QRICH2: variants seen among roughly 807,000 people sequenced by gnomAD.
The protein encoded by QRICH2 is glutamine-rich protein 2.
In QRICH2, 119 loss-of-function variants were observed where a neutral mutation model predicts 168.3. That is an observed-to-expected ratio of 0.71 (90% CI 0.61 to 0.82). The LOEUF is 0.82. QRICH2 is among the 40% of genes least tolerant of loss of function. The pLI is 0.00. For missense variants in QRICH2, 2,241 were observed against 2,491.6 expected (o/e 0.90, Z 2.14); for synonymous variants, 894 against 951.2 (o/e 0.94, Z 1.11).
Position 76,275,926 on chromosome 17 carries a change from T to A in QRICH2, c.5375A>T (p.Lys1792Met). Residue 1792 changes from lysine to methionine, a missense_variant, in exon 18 of 19, where the codon AAG becomes ATG. Around this residue, in one of 3 missense-constraint regions of QRICH2, gnomAD observed 189 missense variants for 169.3 expected, o/e 1.12. Coordinates refer to ENST00000680821, the MANE Select transcript of QRICH2 (RefSeq NM_001388453.1). Reference sequence around the variant, plus strand: ...CACGTGGGGCCTGGGCTGCTGGGACTTGCGCTTTGAGGTCCCTGAGCCTGA... The same window carrying A: ...CACGTGGGGCCTGGGCTGCTGGGACATGCGCTTTGAGGTCCCTGAGCCTGA... ...RKDSSGTSKR[K>M]SQQPRPHVHR... is the part of the protein sequence containing the mutation. 1 of 1,608,632 alleles carries A rather than the reference T, an allele frequency of 6.2e-7. No individual in the cohort carries two copies.
At position 76,307,003 on chromosome 17, in the gene QRICH2, C is replaced by T. The variant is rs2071000384; in HGVS notation, c.534+462G>A. Among the ~76,000 whole-genome samples the T allele has an allele frequency of 6.6e-6, 1 of 152,182 alleles. No individual in the cohort carries two copies. Among genetic ancestry groups the T allele is most frequent in the African/African-American group, 2.4e-5 (1 of 41,448 alleles). ...CTCCCCTTCTCTGGGAGCCTTTGTCCTCAACACGTATCTCTTCATGTCCTT... is the reference window on the plus strand; with the variant it reads ...CTCCCCTTCTCTGGGAGCCTTTGTCTTCAACACGTATCTCTTCATGTCCTT... On this transcript the variant is annotated intron_variant, in intron 1 of 18. Transcript: ENST00000680821. This position sits in a 1 kb window ranked among gnomAD's most constrained non-coding sequence, Gnocchi z 5.3.
In QRICH2 at chr17:76,307,791, T is replaced by C. The variant is rs1231387582; in HGVS notation, c.208A>G (p.Ile70Val). 1 of 1,370,256 alleles carries C rather than the reference T, an allele frequency of 7.3e-7. No individual in the cohort carries two copies. 84.9% of individuals were successfully genotyped at this position (1,370,256 alleles called of 1,614,324 possible). Residue 70 changes from isoleucine to valine, a missense_variant, in exon 1 of 19, where the codon ATC (isoleucine) becomes GTC (valine). Physicochemically the swap from Ile to Val is conservative, Grantham distance 29. Coordinates refer to ENST00000680821, the MANE Select transcript of QRICH2 (RefSeq NM_001388453.1). This position sits in a 1 kb window ranked among gnomAD's most constrained non-coding sequence, Gnocchi z 5.3. ...SLQSVRSSFS[I>V]PHLPAPKEVP... The stretch of plus-strand genomic sequence containing the variant: ...TCCTTGGGCGCGGGCAGGTGCGGGA[T>C]GCTGAACGAGCTCCGGACGGACTGC...
At position 76,291,723 on chromosome 17, in the gene QRICH2, T is replaced by C. The variant is rs780733323; in HGVS notation, c.3004A>G (p.Ile1002Val). The C allele has an allele frequency of 4.3e-6, 7 of 1,614,064 alleles. No individual in the cohort carries two copies. The highest frequency in any genetic ancestry group is 4.2e-6 in the Non-Finnish European group (5 of 1,180,046). Residue 1002 changes from isoleucine (I) to valine (V), a missense_variant, in exon 4 of 19, where the codon ATA becomes GTA. Physicochemically the swap from Ile to Val is conservative, Grantham distance 29. Coordinates refer to ENST00000680821, the MANE Select transcript of QRICH2 (RefSeq NM_001388453.1). ...STFQADSTGF[I>V]SVRPYQHGMV... is the part of the protein sequence containing the mutation. The stretch of plus-strand genomic sequence containing the variant: ...CCATGTTGATATGGACGTACTGATA[T>C]AAAACCTGTAGAATCTGCCTGGAAT...
chr17:76,303,698 G>C (rs549799190), intron 3 of QRICH2, among the ~76,000 whole-genome samples: 1 of 151,682 alleles, frequency 6.6e-6, no homozygotes, highest in Non-Finnish European at 1.5e-5. Flanking sequence ...GTGAAACCCC[G>C]TCTCTACTAA....
Position 76,281,531 on chromosome 17 carries a change from G to A in QRICH2, c.4263+333C>T, listed in dbSNP as rs1444277291. On this transcript the variant is annotated intron_variant, in intron 8 of 18. Coordinates refer to ENST00000680821, the MANE Select transcript of QRICH2 (RefSeq NM_001388453.1). The surrounding 1 kb of genome is among the most constrained non-coding windows in gnomAD (Gnocchi z 4.4). The stretch of plus-strand genomic sequence containing the variant: ...ATTGAGAAGGGGTTGGAAGACTCGC[G>A]TGCCAGGGAGTCAACATCTCCTACA... Among the ~76,000 whole-genome samples, 1 of 152,288 alleles carries A rather than the reference G, an allele frequency of 6.6e-6. No homozygotes were observed. The highest frequency in any genetic ancestry group is 2.4e-5 in the African/African-American group (1 of 41,556).
Position 76,308,095 on chromosome 17 carries a change from G to A in QRICH2, c.-97C>T. On this transcript the variant is annotated 5_prime_UTR_variant, in exon 1 of 19. Transcript: ENST00000680821. ...TTGGGGCCTTTCGGGGGCCCTGCGA[G>A]GTCCTCGGGGCGCCCCTGCCCCGGG... 2 of 1,223,380 alleles carry A rather than the reference G, an allele frequency of 1.6e-6. No individual in the cohort carries two copies. The highest frequency in any genetic ancestry group is 2.0e-6 in the Non-Finnish European group (2 of 983,680). The allele number at this position is 1,223,380 out of a possible 1,614,324, so 75.8% of individuals were successfully genotyped here.
rs1056376110 is a variant in QRICH2 at position 76,281,239 on chromosome 17, T to C, written c.4264-286A>G. 6.6e-6 allele frequency among the ~76,000 whole-genome samples: 1 copy of C among 152,166 alleles called. No individual in the cohort carries two copies. The highest frequency in any genetic ancestry group is 1.5e-5 in the Non-Finnish European group (1 of 67,996). On this transcript the variant is annotated intron_variant, in intron 8 of 18. Transcript: ENST00000680821. This position sits in a 1 kb window ranked among gnomAD's most constrained non-coding sequence, Gnocchi z 4.4. ...TGCGGGAGGCCCTCTGTCTGCCCTT[T>C]CTGGGTGTCCACCCCCACAGGACAC...
rs2071052647 is a variant in QRICH2, at chr17:76,293,565, C to G, written c.1162G>C (p.Asp388His). ...ASQSQVHLRP[D>H]RRGLEPTGMN... ...CCAGTTGGTTCTAACCCACGACGAT[C>G]TGGCCTTAGATGGACCTGACTCTGG... The change falls in exon 4 of 19, where the codon GAT (aspartate) becomes CAT (histidine). Residue 388 changes from aspartate (D) to histidine (H), a missense_variant. Around this residue, in one of 3 missense-constraint regions of QRICH2, gnomAD observed 2,047 missense variants for 2,303.8 expected, o/e 0.89. Coordinates refer to ENST00000680821, the MANE Select transcript of QRICH2 (RefSeq NM_001388453.1). The G allele has an allele frequency of 6.2e-7, 1 of 1,614,106 alleles. No individual in the cohort carries two copies. Among genetic ancestry groups the G allele is most frequent in the East Asian group, 2.2e-5 (1 of 44,902 alleles).
At position 76,293,836 on chromosome 17, in the gene QRICH2, C is replaced by T; in HGVS notation, c.891G>A (p.Gly297=). ...CCTTGCTTTGTTCCCTACTGGAAAC[C>T]CCATCAGAGGGGTGTGCTGTGCCAC... The part of the protein sequence containing the change: ...GSGGTAHPSD[G]VSSREQSKVP... Residue 297 remains glycine (G), a synonymous_variant, in exon 4 of 19, where the codon GGG becomes GGA. Transcript: ENST00000680821. The T allele has an allele frequency of 6.2e-7, 1 of 1,614,026 alleles. No homozygotes were observed. Among genetic ancestry groups the T allele is most frequent in the Non-Finnish European group, 8.5e-7 (1 of 1,179,978 alleles).
intron 6 of QRICH2, 129 bp from the exon 7 acceptor site, chr17:76,287,435 G>T: frequency 1.4e-6 from 1 of 712,146 alleles, no homozygotes; most frequent in Non-Finnish European, 2.5e-6. Context: ...CCCTCCAATG[G>T]ATTTTGTCTA....
rs996866934 is a variant in QRICH2 at position 76,307,927 on chromosome 17, G to A, written c.72C>T (p.Ala24=). 8.1e-6 allele frequency: 10 copies of A among 1,237,072 alleles called. No homozygotes were observed. Among genetic ancestry groups the A allele is most frequent in the Non-Finnish European group, 1.0e-5 (10 of 990,856 alleles). 76.6% of individuals were successfully genotyped at this position (1,237,072 alleles called of 1,614,324 possible). A position where few individuals can be genotyped will look rare whatever the true frequency, so the allele number is the denominator to read the frequency against. ...GCGTGTGCAGGGCCGTGAAGTTGACGGCGCCCACCTCTGGCGTGCCGATGG... is the reference window on the plus strand; with the variant it reads ...GCGTGTGCAGGGCCGTGAAGTTGACAGCGCCCACCTCTGGCGTGCCGATGG... ...DLSIGTPEVG[A]VNFTALHTLI... The change falls in exon 1 of 19, where the codon GCC becomes GCT. Residue 24 remains alanine (A), a synonymous_variant. Transcript: ENST00000680821. This position sits in a 1 kb window ranked among gnomAD's most constrained non-coding sequence, Gnocchi z 5.3.
chr17:76,282,091 C>T lies in QRICH2; in HGVS notation c.4036G>A (p.Glu1346Lys), dbSNP rs1489530012. Residue 1346 changes from glutamate to lysine, a missense_variant, in exon 8 of 19, where the codon GAG (glutamate) becomes AAG (lysine). Glu to Lys is a moderately conservative substitution (Grantham distance 56). Around this residue, in one of 3 missense-constraint regions of QRICH2, gnomAD observed 2,047 missense variants for 2,303.8 expected, o/e 0.89. Transcript: ENST00000680821. ...GTGGAGGAGGAGGTCAGCATGCTCT[C>T]AATGATCATCCTGAGCTTGTCCAAC... ...DQLDKLRMII[E>K]SMLTSSSTLL... 6.2e-7 allele frequency: 1 copy of T among 1,608,352 alleles called. No individual in the cohort carries two copies. Among genetic ancestry groups the T allele is most frequent in the Non-Finnish European group, 8.5e-7 (1 of 1,175,690 alleles).
At chr17:76,295,829 T>C (rs975292374) in intron 3 of QRICH2, among the ~76,000 whole-genome samples, 4 of 152,138 alleles carry the variant, frequency 2.6e-5, no homozygotes, top group Admixed American at 2.6e-4. Flanking sequence ...ACCAATACAG[T>C]AGATGCTATG....
Position 76,274,190 on chromosome 17 carries a change from C to T in QRICH2, c.5553G>A (p.Pro1851=), listed in dbSNP as rs369154453. 3.3e-5 allele frequency: 53 copies of T among 1,590,630 alleles called. No individual in the cohort carries two copies. The highest frequency in any genetic ancestry group is 8.2e-5 in the African/African-American group (6 of 72,992). ...TGTTTGCCACCGCGGCGGAGCTGGG[C>T]GGGTGGGCTGTGTTCGGCTGGGAGA... ...GRLSQPNTAH[P]PSSAAVANRG... The change falls in exon 19 of 19, where the codon CCG becomes CCA. Residue 1851 remains proline (P), a synonymous_variant. Transcript: ENST00000680821.
At chr17:76,308,334 G>A (rs1419812034), upstream of QRICH2, 1 of 985,286 alleles carries the variant, frequency 1.0e-6, no homozygotes, top group Non-Finnish European at 1.2e-6. Flanking sequence ...GCCTCCCTGC[G>A]AGCCACGGGG....
chr17:76,291,758 C>T lies in QRICH2; in HGVS notation c.2969G>A (p.Gly990Asp), dbSNP rs770870466. 6.8e-6 allele frequency: 11 copies of T among 1,614,026 alleles called. No individual in the cohort carries two copies. The Admixed American group carries it at 1.0e-4, about 15-fold the overall frequency. The part of the protein sequence containing the change: ...GLIAPGTKLR[G>D]SSTFQADSTG... ...AGAATCTGCCTGGAATGTTGAAGAG[C>T]CACGAAGCTTTGTGCCTGGTGCTAT... The change falls in exon 4 of 19, where the codon GGC (glycine) becomes GAC (aspartate). Residue 990 changes from glycine (G) to aspartate (D), a missense_variant. By Grantham distance (94) the Gly-to-Asp change is moderately conservative (BLOSUM62 -1). Transcript: ENST00000680821.
intron 7 of QRICH2, among the ~76,000 whole-genome samples, chr17:76,286,850 G>A (rs2070893024): frequency 2.0e-5 from 3 of 147,336 alleles, no homozygotes; most frequent in East Asian, 2.0e-4. Flanking sequence ...ACTACAGCCT[G>A]GATGACGAGA....
chr17:76,287,703 C>A, intron 6 of QRICH2, 97 bp downstream of exon 6: 1 of 844,282 alleles, frequency 1.2e-6, no homozygotes, highest in South Asian at 1.4e-5. Context: ...GACAGTGGTC[C>A]ATTCAGGGGC....
intron 7 of QRICH2, among the ~76,000 whole-genome samples, chr17:76,283,365 G>A (rs1378407482): frequency 1.3e-5 from 2 of 152,054 alleles, no homozygotes; most frequent in African/African-American, 4.8e-5. Context: ...ATGTGGAAGT[G>A]GGGCCTCCAA....
Sources: gnomAD v4.1 joint callset for allele counts (sites outside exome capture counted in the v4.1 genomes callset) on GRCh38, gnomAD v4.1.1 for gene constraint, gnomAD v4.1.1 regional missense constraint, Gnocchi (gnomAD v3.1) non-coding constraint, MANE v1.5 for transcripts, NCBI Gene and HGNC (gene_info 2026-07-23, HGNC 2026-07-21) for gene names.